DELE1: variants seen among roughly 807,000 people sequenced by gnomAD.
The protein encoded by DELE1 is death ligand signal enhancer.
In DELE1, 54 loss-of-function variants were observed where a neutral mutation model predicts 59.3. The observed-to-expected ratio is 0.91, with a 90% confidence interval of 0.73 to 1.14. DELE1 has a LOEUF of 1.14. Ranked by LOEUF, DELE1 falls within the 50% of genes most tolerant of loss-of-function variation. The pLI, the probability that DELE1 is intolerant of heterozygous loss-of-function variation, is 0.00. For missense variants in DELE1, 636 were observed against 643.9 expected (o/e 0.99, Z 0.13); for synonymous variants, 264 against 259.1 (o/e 1.02, Z -0.18).
Position 141,938,777 on chromosome 5 carries a change from T to G in DELE1, c.*18T>G. ...TTGGCTAAGGTGAGATAAAACATAG[T>G]CCCTGGTGCCTCTTAGGGGCCAGAG... is the stretch of plus-strand genomic sequence containing the variant. On this transcript the variant is annotated 3_prime_UTR_variant, in exon 12 of 12. Coordinates refer to ENST00000432126, the MANE Select transcript of DELE1 (RefSeq NM_014773.5). The G allele has an allele frequency of 1.3e-6, 2 of 1,596,476 alleles. No homozygotes were observed. The highest frequency in any genetic ancestry group is 1.7e-6 in the Non-Finnish European group (2 of 1,169,256).
rs570183351 is a variant in DELE1, at chr5:141,929,689, T to A, written c.520T>A (p.Phe174Ile). The part of the protein sequence containing the change: ...QEEASAQPRN[F>I]SHNSLRGARP... Reference sequence around the variant, plus strand: ...AGAAGCCTCAGCTCAGCCCCGGAACTTCTCACACAACTCTTTGAGAGGAGC... The same window carrying A: ...AGAAGCCTCAGCTCAGCCCCGGAACATCTCACACAACTCTTTGAGAGGAGC... Residue 174 changes from phenylalanine to isoleucine, a missense_variant, in exon 5 of 12, where the codon TTC (phenylalanine) becomes ATC (isoleucine). Physicochemically the swap from Phe to Ile is conservative, Grantham distance 21 (BLOSUM62 0). Transcript: ENST00000432126. 1.2e-6 allele frequency: 2 copies of A among 1,614,186 alleles called. No homozygotes were observed. Among genetic ancestry groups the A allele is most frequent in the African/African-American group, 2.7e-5 (2 of 75,042 alleles).
chr5:141,940,596 T>G lies in DELE1; in HGVS notation c.*1837T>G. The G allele has an allele frequency of 3.0e-6, 3 of 985,648 alleles. No individual in the cohort carries two copies. The highest frequency in any genetic ancestry group is 3.6e-6 in the Non-Finnish European group (3 of 830,062). 61.1% of individuals were successfully genotyped at this position (985,648 alleles called of 1,614,324 possible). A position where few individuals can be genotyped will look rare whatever the true frequency, so the allele number is the denominator to read the frequency against. ...GGTCCTGCCATACTTTCCTAGCACC[T>G]CTCTTTCACCCGGGGAGCCCAAGCG... On this transcript the variant is annotated 3_prime_UTR_variant, in exon 12 of 12. Transcript: ENST00000432126.
At chr5:141,937,134 C>A in intron 10 of DELE1, 64 bp from the exon 11 acceptor site, 1 of 1,599,800 alleles carries the variant, frequency 6.3e-7, no homozygotes, top group Non-Finnish European at 8.5e-7. Context: ...TTCCTCCTCC[C>A]TTAGCATGTC....
At position 141,939,138 on chromosome 5, in the gene DELE1, A is replaced by G. The variant is rs1205240364; in HGVS notation, c.*379A>G. On this transcript the variant is annotated 3_prime_UTR_variant, in exon 12 of 12. Transcript: ENST00000432126. ...ACTTAAATCTGTACTACTGTTTGCC[A>G]ATGTCTGATGTGTGTATCCCTGGTT... 3 of 1,001,840 alleles carry G rather than the reference A, an allele frequency of 3.0e-6. No individual in the cohort carries two copies. Among genetic ancestry groups the G allele is most frequent in the African/African-American group, 3.5e-5 (2 of 57,814 alleles). 62.1% of individuals were successfully genotyped at this position (1,001,840 alleles called of 1,614,324 possible). A position where few individuals can be genotyped will look rare whatever the true frequency, so the allele number is the denominator to read the frequency against.
intron 11 of DELE1, 65 bp downstream of exon 11, chr5:141,937,422 A>G: frequency 6.4e-7 from 1 of 1,553,152 alleles, no homozygotes; most frequent in South Asian, 1.1e-5. Flanking sequence ...ACAGATAAGT[A>G]GGTAGCAGTA....
chr5:141,923,991 A>G lies in DELE1; in HGVS notation c.31+19A>G. On this transcript the variant is annotated intron_variant, in intron 1 of 11. Transcript: ENST00000432126. ...GGCCGAGGTAAGGGACGTCCAAGCA[A>G]CCAGCGTCACTCTGGGCCGCAAAGA... 1 of 1,607,504 alleles carries G rather than the reference A, an allele frequency of 6.2e-7. No homozygotes were observed. The highest frequency in any genetic ancestry group is 8.5e-7 in the Non-Finnish European group (1 of 1,177,180).
In DELE1 at chr5:141,934,592, C is replaced by T. The variant is rs777997700; in HGVS notation, c.1149+6C>T. The T allele has an allele frequency of 8.1e-6, 13 of 1,612,224 alleles. No homozygotes were observed. Among genetic ancestry groups the T allele is most frequent in the Admixed American group, 5.0e-5 (3 of 60,000 alleles). ...GGCTTGCAGCCAACAATGGGGTATG[C>T]GATCTCAGTGGACAAGCATGTTGGG... is the stretch of plus-strand genomic sequence containing the variant. On this transcript the variant is annotated splice_donor_region_variant and intron_variant, in intron 10 of 11. Transcript: ENST00000432126.
chr5:141,940,999 A>AC lies in DELE1; in HGVS notation c.*2243dup. 1 of 984,386 alleles carries AC rather than the reference A, an allele frequency of 1.0e-6. No homozygotes were observed. The highest frequency in any genetic ancestry group is 1.2e-6 in the Non-Finnish European group (1 of 828,972). 61.0% of individuals were successfully genotyped at this position (984,386 alleles called of 1,614,324 possible). ...AGTCCTCCAGTAAAGAACTTGGTTA[A>AC]CCCAATGTTTTCTCTCACTGAATTG... is the stretch of plus-strand genomic sequence containing the variant. On this transcript the variant is annotated 3_prime_UTR_variant, in exon 12 of 12. Transcript: ENST00000432126.
Position 141,934,236 on chromosome 5 carries a change from C to T in DELE1, c.898-4C>T, listed in dbSNP as rs908986813. ...CCGACTGGGTGTTTCTCCCTTTGCC[C>T]CAGGCGGTCCTTTATTATCAGTTGG... On this transcript the variant is annotated splice_polypyrimidine_tract_variant and splice_region_variant and intron_variant, in intron 8 of 11. Transcript: ENST00000432126. 1 of 1,600,642 alleles carries T rather than the reference C, an allele frequency of 6.2e-7. No homozygotes were observed. The highest frequency in any genetic ancestry group is 8.5e-7 in the Non-Finnish European group (1 of 1,170,274).
At position 141,933,515 on chromosome 5, in the gene DELE1, T is replaced by C. The variant is rs1752109180; in HGVS notation, c.897+114T>C. ...TTGGCTTCTTTTCTCCACTTGGTTCTAGCCCAGCTGCGAAGGAAAAATAAG... is the reference window on the plus strand; with the variant it reads ...TTGGCTTCTTTTCTCCACTTGGTTCCAGCCCAGCTGCGAAGGAAAAATAAG... On this transcript the variant is annotated intron_variant, in intron 8 of 11. Coordinates refer to ENST00000432126, the MANE Select transcript of DELE1 (RefSeq NM_014773.5). 3.9e-6 allele frequency: 3 copies of C among 764,192 alleles called. No individual in the cohort carries two copies. In the East Asian group the frequency reaches 9.5e-5, roughly 24 times the overall value. The allele number at this position is 764,192 out of a possible 1,614,324, so 47.3% of individuals were successfully genotyped here.
intron 8 of DELE1, 83 bp downstream of exon 8, chr5:141,933,484 G>A: frequency 8.8e-7 from 1 of 1,137,960 alleles, no homozygotes. Flanking sequence ...AGGGATGGGG[G>A]AAAGTTTGGC....
At chr5:141,936,995 C>T (rs1752412681) in intron 10 of DELE1, 1 of 1,423,464 alleles carries the variant, frequency 7.0e-7, no homozygotes, top group Non-Finnish European at 9.2e-7. Context: ...GTGGAGGGAT[C>T]CCCCTCTCCT....
At chr5:141,936,043 C>A (rs55960038) in intron 10 of DELE1, among the ~76,000 whole-genome samples, 11,767 of 152,074 alleles carry the variant, frequency 0.077, 1,517 homozygotes, top group African/African-American at 0.27. Flanking sequence ...AGAAGTTTGA[C>A]TGTGGAGGGT....
In DELE1 at chr5:141,930,336, C is replaced by G. The variant is rs7705729; in HGVS notation, c.754+62C>G. 0.018 allele frequency: 21,563 copies of G among 1,213,626 alleles called. 2,800 individuals are homozygous for G. In the African/African-American group the frequency reaches 0.28, roughly 16 times the overall value. The allele number at this position is 1,213,626 out of a possible 1,614,324, so 75.2% of individuals were successfully genotyped here. ...GGAAAATGGAAAGGGTATGGGGTAGCTCAGATATAGTCAAGATAGGGAGTG... is the reference window on the plus strand; with the variant it reads ...GGAAAATGGAAAGGGTATGGGGTAGGTCAGATATAGTCAAGATAGGGAGTG... On this transcript the variant is annotated intron_variant, in intron 7 of 11. Transcript: ENST00000432126.
At position 141,930,033 on chromosome 5, in the gene DELE1, T is replaced by C. The variant is rs1199043516; in HGVS notation, c.616T>C (p.Ser206Pro). Residue 206 changes from serine (S) to proline (P), a missense_variant, in exon 6 of 12, where the codon TCC (serine) becomes CCC (proline). By Grantham distance (74) the Ser-to-Pro change is moderately conservative (BLOSUM62 -1). Transcript: ENST00000432126. ...CCTGCATGCCAGTAGTAGCATCGAG[T>C]CCGAGGCAAAACCAGCCCAGCCTCA... is the stretch of plus-strand genomic sequence containing the variant. Reference protein sequence around the residue: ...GFLHASSSIESEAKPAQPQPT... With the variant: ...GFLHASSSIEPEAKPAQPQPT... 5 of 1,613,906 alleles carry C rather than the reference T, an allele frequency of 3.1e-6. No homozygotes were observed. The highest frequency in any genetic ancestry group is 3.4e-6 in the Non-Finnish European group (4 of 1,180,008).
chr5:141,931,545 A>T (rs1039373623), intron 7 of DELE1, among the ~76,000 whole-genome samples: 12 of 152,188 alleles, frequency 7.9e-5, no homozygotes, highest in Non-Finnish European at 1.5e-5. Context: ...AAAGGAGACG[A>T]GGCAGGCGCT....
At position 141,938,683 on chromosome 5, in the gene DELE1, T is replaced by C. The variant is rs1752560639; in HGVS notation, c.1472T>C (p.Leu491Pro). Residue 491 changes from leucine to proline, a missense_variant, in exon 12 of 12, where the codon CTG becomes CCG. Transcript: ENST00000432126. ...LCRSGHLGASLEASSRAIPPH... is the reference protein window; with the variant it reads ...LCRSGHLGASPEASSRAIPPH... The stretch of plus-strand genomic sequence containing the variant: ...AGAAGTGGGCATCTCGGAGCCAGCC[T>C]GGAAGCCTCCAGCAGGGCTATTCCC... 2.5e-6 allele frequency: 4 copies of C among 1,614,112 alleles called. No individual in the cohort carries two copies. In the East Asian group the frequency reaches 8.9e-5, roughly 36 times the overall value.
chr5:141,939,311 A>T lies in DELE1; in HGVS notation c.*552A>T. On this transcript the variant is annotated 3_prime_UTR_variant, in exon 12 of 12. Transcript: ENST00000432126. ...AAGCTAACTGTAAAAAAAAATAGTGAATCAGTTTAAAGAAAAACATAACGT... is the reference window on the plus strand; with the variant it reads ...AAGCTAACTGTAAAAAAAAATAGTGTATCAGTTTAAAGAAAAACATAACGT... 1.3e-6 allele frequency: 1 copy of T among 747,590 alleles called. No homozygotes were observed. Among genetic ancestry groups the T allele is most frequent in the Non-Finnish European group, 1.6e-6 (1 of 613,114 alleles). The allele number at this position is 747,590 out of a possible 1,614,324, so 46.3% of individuals were successfully genotyped here. A position where few individuals can be genotyped will look rare whatever the true frequency, so the allele number is the denominator to read the frequency against.
chr5:141,932,341 G>A (rs1470633197), intron 7 of DELE1, among the ~76,000 whole-genome samples: 1 of 152,174 alleles, frequency 6.6e-6, no homozygotes, highest in African/African-American at 2.4e-5. Flanking sequence ...TGACACTGCT[G>A]TATTACCGCT....
Sources: allele counts gnomAD v4.1 joint callset (sites outside exome capture counted in the v4.1 genomes callset), GRCh38; gene constraint gnomAD v4.1.1; transcripts MANE v1.5; gene names NCBI Gene and HGNC (gene_info 2026-07-23, HGNC 2026-07-21).